VSTM1: variants seen among roughly 807,000 people sequenced by gnomAD.
The protein encoded by VSTM1 is V-set and transmembrane domain-containing protein 1.
Under a neutral mutation model 33.1 loss-of-function variants are expected in VSTM1, and 27 were observed. The ratio of observed to expected loss-of-function variants is 0.82; its 90% CI spans 0.60 to 1.12. VSTM1 has a LOEUF of 1.12. Among genes scored for constraint, VSTM1 ranks in the 50% most tolerant of loss-of-function variants. The pLI is 0.00. For missense variants in VSTM1, 304 were observed against 288.9 expected (o/e 1.05, Z -0.38); for synonymous variants, 115 against 110.3 (o/e 1.04, Z -0.27).
chr19:54,059,643 G>T (rs1237717600), intron 1 of VSTM1, among the ~76,000 whole-genome samples: 1 of 149,680 alleles, frequency 6.7e-6, no homozygotes. Flanking sequence ...GCTAATTTTT[G>T]TTGTTGTTGT....
intron 3 of VSTM1, among the ~76,000 whole-genome samples, chr19:54,052,319 A>G (rs1270734887): frequency 0.036 from 4,047 of 113,676 alleles, 127 homozygotes; most frequent in Non-Finnish European, 0.039. Context: ...AATGGCGTGA[A>G]CCCGGGAGGC....
intron 1 of VSTM1, among the ~76,000 whole-genome samples, chr19:54,059,981 G>A (rs2071313338): frequency 6.6e-6 from 1 of 151,518 alleles, no homozygotes. Flanking sequence ...CCGAGTAGCT[G>A]GGACTACAGG....
At chr19:54,059,032 G>A (rs2071254015) in intron 1 of VSTM1, among the ~76,000 whole-genome samples, 1 of 148,028 alleles carries the variant, frequency 6.8e-6, no homozygotes. Context: ...CTACGTGTAT[G>A]GAGAAAATTC....
chr19:54,042,816 A>ATATATGTGTG (rs66621735), intron 4 of VSTM1, among the ~76,000 whole-genome samples: 10 of 54,950 alleles, frequency 1.8e-4, no homozygotes, highest in African/African-American at 6.2e-4. Context: ...GTATATATAT[A>ATATATGTGTG]TATATATATA....
intron 4 of VSTM1, among the ~76,000 whole-genome samples, chr19:54,042,816 A>ATATATG (rs66621735): frequency 0.12 from 6,336 of 54,806 alleles, 280 homozygotes; most frequent in Non-Finnish European, 0.15. Context: ...GTATATATAT[A>ATATATG]TATATATATA....
At chr19:54,059,884 G>A (rs2071306460) in intron 1 of VSTM1, among the ~76,000 whole-genome samples, 1 of 148,350 alleles carries the variant, frequency 6.7e-6, no homozygotes, top group Admixed American at 6.8e-5. Context: ...GTCTCGCTCT[G>A]TCACCCAGGC....
intron 1 of VSTM1, among the ~76,000 whole-genome samples, chr19:54,062,684 A>G (rs1172983685): frequency 6.7e-6 from 1 of 149,692 alleles, no homozygotes; most frequent in Non-Finnish European, 1.5e-5. Flanking sequence ...AGATCACACC[A>G]CTGCACTCCA....
chr19:54,051,335 CCTT>C (rs1364133950), intron 4 of VSTM1, 72 bp downstream of exon 4: 2 of 1,231,386 alleles, frequency 1.6e-6, no homozygotes, highest in Non-Finnish European at 2.3e-6. Context: ...ATAAAGTTCT[CCTT>C]GTGCACTTTA....
intron 1 of VSTM1, 29 bp from the exon 2 acceptor site, chr19:54,058,761 A>T (rs2071238072): frequency 6.2e-7 from 1 of 1,612,228 alleles, no homozygotes; most frequent in Non-Finnish European, 8.5e-7. Flanking sequence ...TGAGAGAAAA[A>T]TTATGTGCTT....
rs772800607 is a variant in VSTM1, at chr19:54,041,915, C to T, written c.553+1G>A. The T allele has an allele frequency of 6.2e-7, 1 of 1,614,122 alleles. No homozygotes were observed. The highest frequency in any genetic ancestry group is 1.7e-5 in the Admixed American group (1 of 60,016). On this transcript the variant is annotated splice_donor_variant, in intron 7 of 8. Transcript: ENST00000338372. LOFTEE classifies it high-confidence loss of function. ...TCCCTTAAACTTCCCCTGTCCCTTA[C>T]CGGCAGCCTCCTGCTCCGGAAGTTT...
chr19:54,054,672 T>G (rs950554425), intron 3 of VSTM1, among the ~76,000 whole-genome samples: 1 of 140,696 alleles, frequency 7.1e-6, no homozygotes, highest in Non-Finnish European at 1.6e-5. Context: ...GATAGATGGA[T>G]AGGTGGGTGG....
chr19:54,055,973 G>A (rs2071065720), intron 3 of VSTM1, among the ~76,000 whole-genome samples: 1 of 140,686 alleles, frequency 7.1e-6, no homozygotes, highest in Admixed American at 7.4e-5. Flanking sequence ...CCCCTCGCAG[G>A]GTTAGTTAAT....
At chr19:54,061,121 G>C (rs539575517) in intron 1 of VSTM1, among the ~76,000 whole-genome samples, 4 of 149,974 alleles carry the variant, frequency 2.7e-5, no homozygotes, top group Admixed American at 6.7e-5. Flanking sequence ...AGGTTCAAGC[G>C]ATTTTCCTGC....
intron 3 of VSTM1, among the ~76,000 whole-genome samples, chr19:54,052,437 A>G (rs1374886479): frequency 7.1e-6 from 1 of 141,798 alleles, no homozygotes; most frequent in Non-Finnish European, 1.6e-5. Context: ...GAAATGAAAT[A>G]TCACCTACTC....
intron 3 of VSTM1, 53 bp downstream of exon 3, chr19:54,058,253 C>T (rs1264854212): frequency 2.5e-6 from 3 of 1,206,382 alleles, no homozygotes; most frequent in African/African-American, 3.1e-5. Context: ...AAAAAAAAAG[C>T]AAAGCCAAAC....
intron 4 of VSTM1, among the ~76,000 whole-genome samples, chr19:54,046,294 C>T (rs11669716): frequency 0.41 from 61,796 of 151,744 alleles, 12,747 homozygotes; most frequent in Middle Eastern, 0.58. Flanking sequence ...GAGTTTGAAA[C>T]AAGACATATT....
intron 4 of VSTM1, among the ~76,000 whole-genome samples, chr19:54,051,142 A>AG (rs2070819377): frequency 7.1e-6 from 1 of 140,794 alleles, no homozygotes; most frequent in East Asian, 2.2e-4. Flanking sequence ...AAATACAAAA[A>AG]TTAGCTGGGT....
intron 4 of VSTM1, chr19:54,048,216 A>C (rs2070689336): frequency 5.0e-6 from 1 of 200,002 alleles, no homozygotes; most frequent in Non-Finnish European, 1.1e-5. Context: ...CCTGGGCGCA[A>C]ACGATCTTTC....
intron 3 of VSTM1, among the ~76,000 whole-genome samples, chr19:54,054,953 G>C (rs1299566556): frequency 1.5e-5 from 2 of 132,514 alleles, no homozygotes; most frequent in Non-Finnish European, 3.3e-5. Context: ...GGATGGGTTG[G>C]TAGGTGGGTA....
Sources: allele counts gnomAD v4.1 joint callset (sites outside exome capture counted in the v4.1 genomes callset), GRCh38; gene constraint gnomAD v4.1.1; transcripts MANE v1.5; gene names NCBI Gene and HGNC (gene_info 2026-07-23, HGNC 2026-07-21).